The following SLIT2 variants were observed in gnomAD, a reference collection of about 807,000 sequenced individuals.
SLIT2 encodes slit homolog 2 protein.
SLIT2 carries 41 observed loss-of-function variants against 185.7 expected under a neutral mutation model. The ratio of observed to expected loss-of-function variants is 0.22; its 90% confidence interval spans 0.17 to 0.29. The LOEUF (loss-of-function observed/expected upper bound fraction) is 0.29. SLIT2 is among the 10% of genes least tolerant of loss of function. The pLI, the probability that SLIT2 is intolerant of heterozygous loss-of-function variation, is 1.00. For missense variants in SLIT2, 1,571 were observed against 1,909.0 expected, an observed-to-expected ratio of 0.82 and a Z score of 3.30; for synonymous variants, 693 against 680.2, an observed-to-expected ratio of 1.02 and a Z score of -0.29.
At chr4:20,598,136 G>GT in intron 32 of SLIT2, 129 bp from the exon 33 acceptor site, 1 of 765,416 alleles carries the variant, frequency 1.3e-6, no homozygotes, top group South Asian at 2.9e-5. Context: ...TTTCAGCATC[G>GT]TTTTCTCATA....
chr4:20,295,687 A>G (rs1242506115), intron 4 of SLIT2, among the ~76,000 whole-genome samples: 1 of 152,194 alleles, frequency 6.6e-6, no homozygotes, highest in East Asian at 1.9e-4. Context: ...AACTCATAGT[A>G]TTTTCAGGAT....
At chr4:20,594,315 A>T (rs1727796030) in intron 30 of SLIT2, among the ~76,000 whole-genome samples, 1 of 151,482 alleles carries the variant, frequency 6.6e-6, no homozygotes, top group African/African-American at 2.4e-5. Context: ...GTGTGTGTAT[A>T]TATGAGAAAA....
intron 9 of SLIT2, among the ~76,000 whole-genome samples, chr4:20,497,823 T>C (rs1718363058): frequency 6.6e-6 from 1 of 152,236 alleles, no homozygotes; most frequent in Non-Finnish European, 1.5e-5. Context: ...GAAGGAGATC[T>C]TGGACACACA....
chr4:20,522,182 G>A (rs1720899533), intron 12 of SLIT2, among the ~76,000 whole-genome samples: 1 of 152,038 alleles, frequency 6.6e-6, no homozygotes, highest in Admixed American at 6.6e-5. Context: ...TAAGTGATTT[G>A]GATCACAGTT....
intron 4 of SLIT2, among the ~76,000 whole-genome samples, chr4:20,272,602 G>A (rs903779380): frequency 6.6e-6 from 1 of 152,116 alleles, no homozygotes; most frequent in Admixed American, 6.6e-5. Flanking sequence ...TTCATTGGTA[G>A]TACTGCGGTT....
intron 3 of SLIT2, among the ~76,000 whole-genome samples, chr4:20,265,600 A>C (rs1329548674): frequency 1.3e-5 from 2 of 151,960 alleles, no homozygotes; most frequent in Non-Finnish European, 2.9e-5. Context: ...AATAACTTTC[A>C]TGAAATAATT....
rs751909048 is a variant in SLIT2, at chr4:20,484,562, C to T, written c.540-1638C>T. On this transcript the variant is annotated intron_variant, in intron 6 of 36. Coordinates refer to ENST00000504154, the MANE Select transcript of SLIT2 (RefSeq NM_004787.4). The surrounding 1 kb of genome is among the most constrained non-coding windows in gnomAD (Gnocchi z 4.3). The stretch of plus-strand genomic sequence containing the variant: ...ATGATCTGGGTCTCTAGCTGACATG[C>T]CCTGTTTTACTGAAAAGTTTTTGTC... Among the ~76,000 whole-genome samples, 7 of 152,012 alleles carry T rather than the reference C, an allele frequency of 4.6e-5. No individual in the cohort carries two copies. The highest frequency in any genetic ancestry group is 8.8e-5 in the Non-Finnish European group (6 of 67,996).
rs929551553 is a variant in SLIT2, at chr4:20,254,549, G to A, written c.179+555G>A. On this transcript the variant is annotated intron_variant, in intron 1 of 36. Coordinates refer to ENST00000504154, the MANE Select transcript of SLIT2 (RefSeq NM_004787.4). The surrounding 1 kb of genome is among the most constrained non-coding windows in gnomAD (Gnocchi z 5.1). ...CTGGGGGTGCTTCTCACAGGTCGCG[G>A]GGAGAAGGGTGCCCCAGGACGGCGA... is the stretch of plus-strand genomic sequence containing the variant. Among the ~76,000 whole-genome samples, 1 of 152,126 alleles carries A rather than the reference G, an allele frequency of 6.6e-6. No homozygotes were observed. Among genetic ancestry groups the A allele is most frequent in the African/African-American group, 2.4e-5 (1 of 41,420 alleles).
At chr4:20,282,247 A>C (rs531887127) in intron 4 of SLIT2, among the ~76,000 whole-genome samples, 2 of 152,368 alleles carry the variant, frequency 1.3e-5, no homozygotes, top group South Asian at 4.1e-4. Flanking sequence ...AAAGTGGTTT[A>C]AAACAACAAC....
chr4:20,595,842 C>T lies in SLIT2; in HGVS notation c.3320+8C>T. ...ATGCCCCGAAGGTTACAGGTAAAAGCAGAAATGAATAAGACCTAGTGTTCA... is the reference window on the plus strand; with the variant it reads ...ATGCCCCGAAGGTTACAGGTAAAAGTAGAAATGAATAAGACCTAGTGTTCA... On this transcript the variant is annotated splice_region_variant and intron_variant, in intron 31 of 36. Transcript: ENST00000504154. 1 of 1,612,246 alleles carries T rather than the reference C, an allele frequency of 6.2e-7. No individual in the cohort carries two copies. The highest frequency in any genetic ancestry group is 8.5e-7 in the Non-Finnish European group (1 of 1,178,574).
At chr4:20,583,579 A>C (rs753346927) in intron 29 of SLIT2, among the ~76,000 whole-genome samples, 4 of 152,134 alleles carry the variant, frequency 2.6e-5, no homozygotes, top group Non-Finnish European at 5.9e-5. Flanking sequence ...TGGGAGGCTG[A>C]GGTGGGTGGA....
chr4:20,300,053 A>T (rs1560296292), intron 4 of SLIT2, among the ~76,000 whole-genome samples: 1 of 152,154 alleles, frequency 6.6e-6, no homozygotes, highest in Non-Finnish European at 1.5e-5. Context: ...TTTAATGCTC[A>T]TAAAAATTCT....
intron 4 of SLIT2, among the ~76,000 whole-genome samples, chr4:20,345,179 C>T (rs563367930): frequency 1.3e-5 from 2 of 152,258 alleles, no homozygotes; most frequent in South Asian, 4.2e-4. Context: ...AAATCTCAAT[C>T]ATTATGGCAC....
At chr4:20,500,790 A>G (rs990817213) in intron 9 of SLIT2, among the ~76,000 whole-genome samples, 45 of 152,294 alleles carry the variant, frequency 3.0e-4, no homozygotes, top group Non-Finnish European at 1.8e-4. Context: ...AGAAGCTATC[A>G]TGCCGATGCA....
At chr4:20,380,870 T>C (rs1418253219) in intron 4 of SLIT2, among the ~76,000 whole-genome samples, 3 of 152,114 alleles carry the variant, frequency 2.0e-5, no homozygotes, top group Admixed American at 6.6e-5. Context: ...TTTTTCCAAA[T>C]GTATTGACAA....
intron 9 of SLIT2, among the ~76,000 whole-genome samples, chr4:20,510,221 T>G (rs1273174598): frequency 6.6e-6 from 1 of 152,190 alleles, no homozygotes; most frequent in East Asian, 1.9e-4. Context: ...AAGGTATTAT[T>G]TCTTTTGTAC....
chr4:20,438,674 C>T (rs1293528673), intron 4 of SLIT2, among the ~76,000 whole-genome samples: 4 of 152,180 alleles, frequency 2.6e-5, no homozygotes, highest in African/African-American at 9.7e-5. Context: ...TGAATTCCCC[C>T]TCTGATTTCA....
intron 11 of SLIT2, among the ~76,000 whole-genome samples, chr4:20,514,757 C>T (rs1720051593): frequency 6.7e-6 from 1 of 148,402 alleles, no homozygotes; most frequent in Admixed American, 7.2e-5. Context: ...ACTAAGAAAT[C>T]CTATACTTTT....
intron 33 of SLIT2, among the ~76,000 whole-genome samples, chr4:20,605,169 C>T (rs543214969): frequency 1.3e-5 from 2 of 148,320 alleles, no homozygotes; most frequent in South Asian, 4.3e-4. Flanking sequence ...GAAGTTGAAG[C>T]TCACATAAGG....
Sources: gnomAD v4.1 joint callset for allele counts (sites outside exome capture counted in the v4.1 genomes callset) on GRCh38, gnomAD v4.1.1 for gene constraint, Gnocchi (gnomAD v3.1) non-coding constraint, MANE v1.5 for transcripts, NCBI Gene and HGNC (gene_info 2026-07-23, HGNC 2026-07-21) for gene names.